The following TASL variants were observed in gnomAD, a reference collection of about 807,000 sequenced individuals.
The protein encoded by TASL is TLR adapter interacting with SLC15A4 on the lysosome.
In TASL, 6 loss-of-function variants were observed where a neutral mutation model predicts 12.9. The ratio of observed to expected loss-of-function variants is 0.46; its 90% confidence interval spans 0.25 to 0.92. The LOEUF (loss-of-function observed/expected upper bound fraction) is 0.92. Ranked by LOEUF, TASL falls within the 40% of genes least tolerant of loss-of-function variation. TASL has a pLI of 0.17. For missense variants in TASL, 165 were observed against 212.8 expected (o/e 0.78, Z 1.40); for synonymous variants, 85 against 79.3 (o/e 1.07, Z -0.38).
intron 2 of TASL, among the ~76,000 whole-genome samples, chrX:30,565,080 A>G (rs1344078690): frequency 1.8e-5 from 2 of 111,916 alleles, no homozygotes; most frequent in African/African-American, 6.5e-5. Context: ...ATCCATCATG[A>G]TTAGGGCAGA....
intron 2 of TASL, among the ~76,000 whole-genome samples, chrX:30,568,196 C>T (rs1930529013): frequency 9.0e-6 from 1 of 110,564 alleles, no homozygotes; most frequent in Non-Finnish European, 1.9e-5. Context: ...CGAGATCGTG[C>T]CACTGCACTC....
At chrX:30,567,267 C>A (rs181157777) in intron 2 of TASL, among the ~76,000 whole-genome samples, 2,025 of 79,272 alleles carry the variant, frequency 0.026, 24 homozygotes, top group Non-Finnish European at 0.036. Flanking sequence ...CAGAGCCAGA[C>A]CATGTCTCAA....
intron 2 of TASL, among the ~76,000 whole-genome samples, chrX:30,562,942 A>AC (rs1301353491): frequency 2.0e-5 from 2 of 102,465 alleles, no homozygotes; most frequent in Non-Finnish European, 4.1e-5. Context: ...ATACACACAC[A>AC]AAAAAAAAAC....
At chrX:30,576,520 T>G (rs1404692329) in intron 2 of TASL, among the ~76,000 whole-genome samples, 1 of 111,566 alleles carries the variant, frequency 9.0e-6, no homozygotes, top group Non-Finnish European at 1.9e-5. Flanking sequence ...TACTATTCTT[T>G]CAATTTTTAT....
chrX:30,576,521 C>A (rs1027355742), intron 2 of TASL, among the ~76,000 whole-genome samples: 2 of 110,918 alleles, frequency 1.8e-5, no homozygotes, highest in Non-Finnish European at 3.8e-5. Flanking sequence ...ACTATTCTTT[C>A]AATTTTTATA....
chrX:30,561,828 A>G (rs912136050), intron 2 of TASL, among the ~76,000 whole-genome samples: 1 of 105,575 alleles, frequency 9.5e-6, no homozygotes, highest in African/African-American at 3.5e-5. Context: ...TCCATGAAGT[A>G]ATTTCTGTAT....
chrX:30,560,346 C>A lies in TASL; in HGVS notation c.10G>T (p.Glu4Ter). Residue 4 changes from glutamate (E) to a stop codon, truncating the protein, a stop_gained, in exon 3 of 3, where the codon GAA becomes TAA. Coordinates refer to ENST00000378962, the MANE Select transcript of TASL (RefSeq NM_025159.3). LOFTEE classifies it high-confidence loss of function. MLS[E>*]GYLSGLEYWN... ...TACTCAAGTCCACTGAGATACCCTT[C>A]TGACAGCATTCTGGAAAGAGAATTG... The A allele has an allele frequency of 8.6e-7, 1 of 1,162,896 alleles. No individual in the cohort carries two copies. Among genetic ancestry groups the A allele is most frequent in the Non-Finnish European group, 1.2e-6 (1 of 867,243 alleles).
At position 30,560,173 on chromosome X, in the gene TASL, A is replaced by G. The variant is rs1053468612; in HGVS notation, c.183T>C (p.Ser61=). The part of the protein sequence containing the change: ...VRSLYVSCKS[S]GKFISSVHSR... Reference sequence around the variant, plus strand: ...AATGCACTGAAGAGATAAACTTGCCAGATGATTTGCAGCTCACGTAGAGAC... The same window carrying G: ...AATGCACTGAAGAGATAAACTTGCCGGATGATTTGCAGCTCACGTAGAGAC... Residue 61 remains serine (S), a synonymous_variant, in exon 3 of 3, where the codon TCT becomes TCC. Transcript: ENST00000378962. 36 of 1,209,297 alleles carry G rather than the reference A, an allele frequency of 3.0e-5. No homozygotes were observed. Among genetic ancestry groups the G allele is most frequent in the Non-Finnish European group, 4.0e-5 (36 of 894,903 alleles).
intron 2 of TASL, among the ~76,000 whole-genome samples, chrX:30,568,935 T>G: frequency 1.0e-5 from 1 of 98,157 alleles, no homozygotes; most frequent in African/African-American, 3.8e-5. Context: ...AAACAGAAAG[T>G]GCATCCTAGT....
At chrX:30,567,071 T>C (rs999264923) in intron 2 of TASL, among the ~76,000 whole-genome samples, 1 of 110,758 alleles carries the variant, frequency 9.0e-6, no homozygotes, top group Non-Finnish European at 1.9e-5. Context: ...GGAGAATCAC[T>C]TAAACCCAGG....
At chrX:30,564,560 C>T (rs1930472302) in intron 2 of TASL, among the ~76,000 whole-genome samples, 1 of 111,742 alleles carries the variant, frequency 8.9e-6, no homozygotes, top group Non-Finnish European at 1.9e-5. Context: ...TCAACAGCAA[C>T]ATAAGAAACA....
intron 2 of TASL, among the ~76,000 whole-genome samples, chrX:30,574,122 C>T (rs2147088081): frequency 9.1e-6 from 1 of 110,146 alleles, no homozygotes; most frequent in African/African-American, 3.3e-5. Flanking sequence ...TCCCAGTTCA[C>T]CTGAGCCCCA....
At chrX:30,576,652 C>A (rs905925425) in intron 2 of TASL, 100 bp downstream of exon 2, 10 of 111,510 alleles carry the variant, frequency 9.0e-5, no homozygotes, top group African/African-American at 2.9e-4. Flanking sequence ...TCTTATATAT[C>A]TAAAATAATC....
chrX:30,571,011 T>C (rs995126312), intron 2 of TASL, among the ~76,000 whole-genome samples: 4 of 108,544 alleles, frequency 3.7e-5, no homozygotes, highest in Non-Finnish European at 7.6e-5. Context: ...AGAAACCCCA[T>C]TTCTACTAAA....
chrX:30,562,584 G>A (rs1212928194), intron 2 of TASL, among the ~76,000 whole-genome samples: 1 of 111,074 alleles, frequency 9.0e-6, no homozygotes, highest in Non-Finnish European at 1.9e-5. Flanking sequence ...ATACCAGTAT[G>A]GCTACATGAT....
At chrX:30,575,086 A>G (rs1219429613) in intron 2 of TASL, among the ~76,000 whole-genome samples, 2 of 111,434 alleles carry the variant, frequency 1.8e-5, no homozygotes, top group African/African-American at 6.5e-5. Flanking sequence ...GTCATGTGTT[A>G]TTTTTTAATG....
chrX:30,571,633 AAAGG>A (rs1261874556), intron 2 of TASL, among the ~76,000 whole-genome samples: 1 of 41,148 alleles, frequency 2.4e-5, no homozygotes, highest in Non-Finnish European at 4.0e-5. Flanking sequence ...ATCTCAAAAA[AAAGG>A]GGGGGGGGGC....
chrX:30,576,350 CTG>C (rs201869051), intron 2 of TASL, among the ~76,000 whole-genome samples: 1,306 of 111,131 alleles, frequency 0.012, 15 homozygotes, highest in African/African-American at 0.041. Flanking sequence ...AGGGAAAAAA[CTG>C]TGCATATGTG....
chrX:30,574,261 C>G (rs1250077267), intron 2 of TASL, among the ~76,000 whole-genome samples: 2 of 112,060 alleles, frequency 1.8e-5, no homozygotes, highest in Non-Finnish European at 3.8e-5. Flanking sequence ...GAACCCTTGG[C>G]CATCTACTCA....
Sources: gnomAD v4.1 joint callset for allele counts (sites outside exome capture counted in the v4.1 genomes callset) on GRCh38, gnomAD v4.1.1 for gene constraint, MANE v1.5 for transcripts, NCBI Gene and HGNC (gene_info 2026-07-23, HGNC 2026-07-21) for gene names.